TAFA1: variants seen among roughly 807,000 people sequenced by gnomAD.
TAFA1 encodes the protein chemokine-like protein TAFA-1.
Under a neutral mutation model 18.5 loss-of-function variants are expected in TAFA1, and 4 were observed. The observed-to-expected ratio is 0.22, with a 90% CI of 0.11 to 0.49. TAFA1 has a LOEUF of 0.49. Ranked by LOEUF, TAFA1 falls within the 20% of genes least tolerant of loss-of-function variation. TAFA1 has a pLI of 0.98. For missense variants in TAFA1, 147 were observed against 169.0 expected, an observed-to-expected ratio of 0.87 and a Z score of 0.72; for synonymous variants, 56 against 55.2, an observed-to-expected ratio of 1.01 and a Z score of -0.06.
intron 2 of TAFA1, among the ~76,000 whole-genome samples, chr3:68,212,958 A>G (rs2066613621): frequency 6.6e-6 from 1 of 151,924 alleles, no homozygotes; most frequent in African/African-American, 2.4e-5. Context: ...CTCTCAGGAT[A>G]TGCCACATTC....
intron 2 of TAFA1, among the ~76,000 whole-genome samples, chr3:68,334,214 A>G (rs1312696192): frequency 2.6e-5 from 4 of 152,200 alleles, no homozygotes; most frequent in African/African-American, 4.8e-5. Flanking sequence ...TAATGATTTT[A>G]CTATGCATTT....
At chr3:68,024,834 AT>A (rs1205454582) in intron 2 of TAFA1, among the ~76,000 whole-genome samples, 4 of 139,380 alleles carry the variant, frequency 2.9e-5, no homozygotes, top group Admixed American at 7.1e-5. Flanking sequence ...CACACACACA[AT>A]TATACATTGT....
At chr3:68,097,236 C>T (rs1422579461) in intron 2 of TAFA1, among the ~76,000 whole-genome samples, 1 of 152,130 alleles carries the variant, frequency 6.6e-6, no homozygotes, top group Non-Finnish European at 1.5e-5. Context: ...AGAATCTCAG[C>T]TTCATTAACA....
At chr3:68,391,974 G>T (rs147773166) in intron 2 of TAFA1, among the ~76,000 whole-genome samples, 2,179 of 152,094 alleles carry the variant, frequency 0.014, 53 homozygotes, top group South Asian at 0.048. Flanking sequence ...TAACCAGCTG[G>T]AATCATAATG....
intron 2 of TAFA1, among the ~76,000 whole-genome samples, chr3:68,016,028 GTTA>G (rs1285258339): frequency 6.6e-6 from 1 of 152,164 alleles, no homozygotes; most frequent in Non-Finnish European, 1.5e-5. Flanking sequence ...GTTGTCTTGA[GTTA>G]TTAGTGATTT....
intron 2 of TAFA1, among the ~76,000 whole-genome samples, chr3:68,302,838 A>G (rs2068330485): frequency 6.6e-6 from 1 of 152,164 alleles, no homozygotes; most frequent in South Asian, 2.1e-4. Flanking sequence ...GCATTGATAA[A>G]ATGGGGCTAA....
At chr3:68,324,092 T>C (rs1253228170) in intron 2 of TAFA1, among the ~76,000 whole-genome samples, 1 of 152,202 alleles carries the variant, frequency 6.6e-6, no homozygotes, top group Non-Finnish European at 1.5e-5. Context: ...CCCAGATTTC[T>C]TCCTGGCAGT....
intron 2 of TAFA1, among the ~76,000 whole-genome samples, chr3:68,127,915 G>C (rs1320905010): frequency 8.0e-6 from 1 of 124,634 alleles, no homozygotes; most frequent in Non-Finnish European, 1.8e-5. Context: ...GGTGGTTGTG[G>C]TGATGCTTAT....
chr3:68,385,752 A>G (rs757867679), intron 2 of TAFA1, among the ~76,000 whole-genome samples: 29 of 152,074 alleles, frequency 1.9e-4, no homozygotes, highest in Non-Finnish European at 3.4e-4. Context: ...TCCTACTGGA[A>G]CACAGTCACA....
intron 3 of TAFA1, among the ~76,000 whole-genome samples, chr3:68,419,204 C>T (rs1333888686): frequency 6.6e-6 from 1 of 152,140 alleles, no homozygotes; most frequent in African/African-American, 2.4e-5. Context: ...CCACAATATC[C>T]TACAGGTTAT....
chr3:68,021,446 A>G (rs1334487257), intron 2 of TAFA1, among the ~76,000 whole-genome samples: 1 of 152,110 alleles, frequency 6.6e-6, no homozygotes, highest in Non-Finnish European at 1.5e-5. Context: ...TTTCTTTTCA[A>G]TAATTGTGTT....
At chr3:68,332,023 C>G (rs1575783377) in intron 2 of TAFA1, among the ~76,000 whole-genome samples, 2 of 151,662 alleles carry the variant, frequency 1.3e-5, no homozygotes, top group African/African-American at 2.4e-5. Flanking sequence ...GCCACCGCAC[C>G]CTGCCAATTT....
intron 2 of TAFA1, among the ~76,000 whole-genome samples, chr3:68,160,857 G>A (rs971503931): frequency 1.3e-5 from 2 of 152,272 alleles, no homozygotes; most frequent in Non-Finnish European, 2.9e-5. Flanking sequence ...TAACCGCAGA[G>A]CCCATGCTGC....
intron 2 of TAFA1, among the ~76,000 whole-genome samples, chr3:68,377,235 T>C (rs1408708006): frequency 6.6e-6 from 1 of 151,984 alleles, no homozygotes; most frequent in Non-Finnish European, 1.5e-5. Context: ...GTTGGAACAG[T>C]TTGGAAGGCT....
intron 2 of TAFA1, among the ~76,000 whole-genome samples, chr3:68,123,839 C>T (rs1026140269): frequency 1.6e-5 from 2 of 126,590 alleles, no homozygotes; most frequent in African/African-American, 6.2e-5. Context: ...GATATCTACC[C>T]TGAGTTTATA....
intron 2 of TAFA1, among the ~76,000 whole-genome samples, chr3:68,342,306 G>C (rs1414540662): frequency 1.3e-5 from 2 of 152,196 alleles, no homozygotes; most frequent in African/African-American, 4.8e-5. Context: ...GAACAACAAA[G>C]TGCTTGTCCA....
At chr3:68,264,177 T>TA (rs1362122180) in intron 2 of TAFA1, among the ~76,000 whole-genome samples, 1 of 151,960 alleles carries the variant, frequency 6.6e-6, no homozygotes, top group African/African-American at 2.4e-5. Context: ...GGCTGAGGCT[T>TA]GAGAATCACT....
chr3:68,097,071 G>A (rs1350273520), intron 2 of TAFA1, among the ~76,000 whole-genome samples: 3 of 152,052 alleles, frequency 2.0e-5, no homozygotes, highest in African/African-American at 7.2e-5. Context: ...CAGATGCTCT[G>A]GGATGATTCC....
At chr3:68,030,634 T>C (rs1704913549) in intron 2 of TAFA1, among the ~76,000 whole-genome samples, 1 of 152,218 alleles carries the variant, frequency 6.6e-6, no homozygotes, top group Admixed American at 6.5e-5. Context: ...ATGGTGTATA[T>C]GTACCACATT....
Sources: gnomAD v4.1 joint callset for allele counts (sites outside exome capture counted in the v4.1 genomes callset) on GRCh38, gnomAD v4.1.1 for gene constraint, MANE v1.5 for transcripts, NCBI Gene and HGNC (gene_info 2026-07-23, HGNC 2026-07-21) for gene names.